Variants in RXFP2 observed in about 807,000 individuals in gnomAD.
The protein encoded by RXFP2 is relaxin receptor 2.
RXFP2 carries 68 observed loss-of-function variants against 88.6 expected under a neutral mutation model. The ratio of observed to expected loss-of-function variants is 0.77; its 90% CI spans 0.63 to 0.94. The LOEUF (loss-of-function observed/expected upper bound fraction) is 0.94, where lower values mean the gene tolerates loss of function less well. Ranked by LOEUF, RXFP2 falls within the 40% of genes least tolerant of loss-of-function variation. The probability of loss-of-function intolerance (pLI) is 0.00; values close to 1 mark genes in which losing one functional copy is unlikely to be tolerated. For missense variants in RXFP2, 791 were observed against 893.9 expected (o/e 0.88, Z 1.47); for synonymous variants, 329 against 306.8 (o/e 1.07, Z -0.76).
At chr13:31,778,813 T>A (rs1013024021) in intron 9 of RXFP2, among the ~76,000 whole-genome samples, 5 of 152,116 alleles carry the variant, frequency 3.3e-5, no homozygotes, top group Admixed American at 6.6e-5. Context: ...CCTTACCCCA[T>A]CTAGATGCTA....
chr13:31,790,965 G>A (rs533713725), intron 14 of RXFP2, among the ~76,000 whole-genome samples: 62 of 152,134 alleles, frequency 4.1e-4, no homozygotes, highest in South Asian at 1.7e-3. Context: ...GGCAGCCAGG[G>A]GTCTGATACC....
chr13:31,746,150 T>C (rs1222586486), intron 1 of RXFP2, among the ~76,000 whole-genome samples: 3 of 152,210 alleles, frequency 2.0e-5, no homozygotes, highest in Non-Finnish European at 2.9e-5. Flanking sequence ...GATGATTCAA[T>C]AGGTCTATGG....
intron 7 of RXFP2, among the ~76,000 whole-genome samples, chr13:31,776,530 A>T (rs1003750190): frequency 6.6e-6 from 1 of 152,046 alleles, no homozygotes; most frequent in African/African-American, 2.4e-5. Context: ...CAGTGTTAAG[A>T]TTACAGGCAA....
At chr13:31,759,410 A>AAAGAAAGAAAGAAAGAAAGAAAGAAAG (rs1566218446) in intron 2 of RXFP2, among the ~76,000 whole-genome samples, 28 of 150,336 alleles carry the variant, frequency 1.9e-4, no homozygotes, top group Non-Finnish European at 2.5e-4. Flanking sequence ...AGAAAGAAAG[A>AAAGAAAGAAAGAAAGAAAGAAAGAAAG]AAGAAAGAAA....
chr13:31,776,941 C>T (rs954680441), intron 7 of RXFP2, among the ~76,000 whole-genome samples: 5 of 152,154 alleles, frequency 3.3e-5, no homozygotes, highest in Non-Finnish European at 5.9e-5. Context: ...TTATTTAATA[C>T]ATCAGTTTAA....
chr13:31,757,074 A>G (rs1161125960), intron 1 of RXFP2, among the ~76,000 whole-genome samples: 1 of 152,200 alleles, frequency 6.6e-6, no homozygotes, highest in Non-Finnish European at 1.5e-5. Flanking sequence ...CATAGATATA[A>G]TACTTTTGTA....
In RXFP2 at chr13:31,771,544, A is replaced by T. The variant is rs1230323613; in HGVS notation, c.498-3076A>T. Among the ~76,000 whole-genome samples the T allele has an allele frequency of 5.9e-5, 9 of 152,162 alleles. No homozygotes were observed. The East Asian group carries it at 1.7e-3, about 29-fold the overall frequency. Reference sequence around the variant, plus strand: ...AGTGGCTCAAGCCTGTAATCCCAGCACTTTCAGAGGCTGAGGCAGGTGGAT... The same window carrying T: ...AGTGGCTCAAGCCTGTAATCCCAGCTCTTTCAGAGGCTGAGGCAGGTGGAT... On this transcript the variant is annotated intron_variant, in intron 5 of 17. Coordinates refer to ENST00000298386, the MANE Select transcript of RXFP2 (RefSeq NM_130806.5).
intron 9 of RXFP2, among the ~76,000 whole-genome samples, chr13:31,781,304 A>G (rs187378986): frequency 6.6e-6 from 1 of 152,264 alleles, no homozygotes; most frequent in Admixed American, 6.5e-5. Context: ...CTTATGTTAA[A>G]TGGGGGATAA....
At chr13:31,744,094 T>A (rs1871314416) in intron 1 of RXFP2, among the ~76,000 whole-genome samples, 1 of 152,186 alleles carries the variant, frequency 6.6e-6, no homozygotes, top group South Asian at 2.1e-4. Context: ...TTTGTCTCTA[T>A]CCCACAGTCT....
chr13:31,745,745 G>A (rs115915155), intron 1 of RXFP2, among the ~76,000 whole-genome samples: 38 of 152,282 alleles, frequency 2.5e-4, no homozygotes, highest in African/African-American at 8.7e-4. Flanking sequence ...CTGTGTCTGT[G>A]GAAGAGTATG....
At position 31,792,033 on chromosome 13, in the gene RXFP2, G is replaced by T; in HGVS notation, c.1373G>T (p.Cys458Phe). 6.2e-7 allele frequency: 1 copy of T among 1,602,474 alleles called. No individual in the cohort carries two copies. Among genetic ancestry groups the T allele is most frequent in the Non-Finnish European group, 8.6e-7 (1 of 1,169,460 alleles). ...TTHAMSIKIL[C>F]CADCLMGVYL... ...CACGCTATGTCCATCAAAATCCTTT[G>T]TTGTAAGTATGTTTCCAGTATAAGT... The change falls in exon 15 of 18, where the codon TGT (cysteine) becomes TTT (phenylalanine). Residue 458 changes from cysteine to phenylalanine, a missense_variant and splice_region_variant. Physicochemically the swap from Cys to Phe is radical, Grantham distance 205 (BLOSUM62 -2). Coordinates refer to ENST00000298386, the MANE Select transcript of RXFP2 (RefSeq NM_130806.5).
chr13:31,796,481 T>TGA (rs912287442), intron 16 of RXFP2, among the ~76,000 whole-genome samples: 4 of 152,250 alleles, frequency 2.6e-5, no homozygotes, highest in African/African-American at 9.6e-5. Flanking sequence ...TTTTATTTTT[T>TGA]GAGATGTGCA....
chr13:31,782,821 G>A, intron 11 of RXFP2, 74 bp downstream of exon 11: 1 of 934,490 alleles, frequency 1.1e-6, no homozygotes, highest in Non-Finnish European at 1.7e-6. Flanking sequence ...TAGTGAGACT[G>A]CTTTGCCACT....
At chr13:31,789,037 G>A (rs1218295209) in intron 13 of RXFP2, 85 bp from the exon 14 acceptor site, 4 of 845,836 alleles carry the variant, frequency 4.7e-6, no homozygotes, top group Non-Finnish European at 8.1e-6. Flanking sequence ...AGATCTTGAA[G>A]CATTATATTT....
At chr13:31,763,914 T>C (rs1872422458) in intron 3 of RXFP2, among the ~76,000 whole-genome samples, 1 of 152,140 alleles carries the variant, frequency 6.6e-6, no homozygotes. Flanking sequence ...ATAGACAACA[T>C]AAAATATTTT....
intron 9 of RXFP2, among the ~76,000 whole-genome samples, chr13:31,779,126 CTTTTTT>C (rs1167145629): frequency 8.3e-6 from 1 of 120,830 alleles, no homozygotes; most frequent in Non-Finnish European, 1.8e-5. Flanking sequence ...TTGGGCTTGT[CTTTTTT>C]TTTTTTTTTT....
chr13:31,801,027 T>C (rs1322354520), intron 17 of RXFP2, among the ~76,000 whole-genome samples: 1 of 152,016 alleles, frequency 6.6e-6, no homozygotes, highest in East Asian at 1.9e-4. Context: ...GAAGGTCAGA[T>C]AAGCAGTCAG....
intron 2 of RXFP2, among the ~76,000 whole-genome samples, chr13:31,759,251 A>G (rs1872133437): frequency 6.6e-6 from 1 of 151,368 alleles, no homozygotes; most frequent in Non-Finnish European, 1.5e-5. Context: ...ATGTAAAAAA[A>G]TCAATAATCT....
intron 1 of RXFP2, among the ~76,000 whole-genome samples, chr13:31,747,943 T>C (rs535609755): frequency 2.1e-4 from 32 of 152,296 alleles, no homozygotes; most frequent in Admixed American, 8.5e-4. Context: ...AGTATCTTAA[T>C]TATCTTAAAA....
Sources: allele counts gnomAD v4.1 joint callset (sites outside exome capture counted in the v4.1 genomes callset), GRCh38; gene constraint gnomAD v4.1.1; transcripts MANE v1.5; gene names NCBI Gene and HGNC (gene_info 2026-07-23, HGNC 2026-07-21).